Variants in NAV1 observed in about 807,000 individuals in gnomAD.
NAV1 encodes neuron navigator 1.
In NAV1, 18 loss-of-function variants were observed where a neutral mutation model predicts 175.2. The observed-to-expected ratio is 0.10, with a 90% CI of 0.07 to 0.15. NAV1 has a LOEUF of 0.15. NAV1 is among the 10% of genes least tolerant of loss of function. NAV1 has a pLI of 1.00. For synonymous variants in NAV1, 897 were observed against 978.7 expected (o/e 0.92, Z 1.56); for missense variants, 1,731 against 2,436.6 (o/e 0.71, Z 6.10).
chr1:201,622,911 C>T (rs638183), upstream of NAV1: 1,780 of 986,252 alleles, frequency 1.8e-3, 29 homozygotes, highest in African/African-American at 0.026. Flanking sequence ...ATGTGAATCC[C>T]GCCAGCCGCC....
intron 1 of NAV1, among the ~76,000 whole-genome samples, chr1:201,702,336 A>C (rs186135437): frequency 6.6e-6 from 1 of 152,318 alleles, no homozygotes; most frequent in Non-Finnish European, 1.5e-5. Context: ...AAATATACTA[A>C]AAACAATTGA....
intron 1 of NAV1, among the ~76,000 whole-genome samples, chr1:201,558,054 G>A (rs951064838): frequency 1.3e-5 from 2 of 152,232 alleles, no homozygotes; most frequent in African/African-American, 4.8e-5. Flanking sequence ...CTAGCTGTGC[G>A]ACTTCGTGCA....
chr1:201,762,598 T>C (rs950191915), intron 3 of NAV1, among the ~76,000 whole-genome samples: 2 of 152,258 alleles, frequency 1.3e-5, no homozygotes, highest in Admixed American at 6.5e-5. Context: ...TATCTATGGC[T>C]GCTTTTGTGC....
chr1:201,564,385 CG>C (rs1666295112), intron 1 of NAV1, among the ~76,000 whole-genome samples: 1 of 152,122 alleles, frequency 6.6e-6, no homozygotes, highest in South Asian at 2.1e-4. Context: ...GAGGCCGAGG[CG>C]GGCAGATCAC....
intron 2 of NAV1, among the ~76,000 whole-genome samples, chr1:201,611,055 GCCCCA>G (rs1163158138): frequency 1.3e-5 from 2 of 152,118 alleles, no homozygotes; most frequent in African/African-American, 4.8e-5. Context: ...GGGATACTGA[GCCCCA>G]CCCCCTCTGC....
intron 2 of NAV1, among the ~76,000 whole-genome samples, chr1:201,713,930 A>T (rs1054559340): frequency 2.6e-5 from 4 of 152,040 alleles, no homozygotes; most frequent in Non-Finnish European, 5.9e-5. Flanking sequence ...ATGACAAAGA[A>T]CTCATTACCT....
rs910647597 is a variant in NAV1, at chr1:201,704,807, A to T, written c.758-8010A>T. 2.0e-5 allele frequency among the ~76,000 whole-genome samples: 3 copies of T among 152,162 alleles called. No individual in the cohort carries two copies. In the South Asian group the frequency reaches 6.2e-4, roughly 32 times the overall value. On this transcript the variant is annotated intron_variant, in intron 1 of 29. Coordinates refer to ENST00000367296, the Ensembl canonical transcript of NAV1. ...ATACTCTGAGAGAAAAGATGCTTTT[A>T]TGGGCTTCAGCCAAGTACAAAACCA...
intron 15 of NAV1, among the ~76,000 whole-genome samples, chr1:201,798,895 G>C (rs541045136): frequency 2.0e-5 from 3 of 151,564 alleles, no homozygotes; most frequent in Non-Finnish European, 4.4e-5. Flanking sequence ...TAGAGATGGG[G>C]TCTCACCATG....
chr1:201,697,578 G>A (rs140810837), intron 1 of NAV1, among the ~76,000 whole-genome samples: 178 of 152,280 alleles, frequency 1.2e-3, no homozygotes, highest in African/African-American at 4.0e-3. Flanking sequence ...ATTCCAGTGC[G>A]CCTCAGTCTC....
chr1:201,809,124 G>C (rs1411710294), intron 20 of NAV1, 40 bp from the exon 25 acceptor site: 1 of 1,581,872 alleles, frequency 6.3e-7, no homozygotes, highest in Non-Finnish European at 8.7e-7. Context: ...AAAGGCTGCG[G>C]GTACTCCTAA....
At chr1:201,683,272 C>T (rs1199258838) in intron 1 of NAV1, among the ~76,000 whole-genome samples, 1 of 152,116 alleles carries the variant, frequency 6.6e-6, no homozygotes, top group Non-Finnish European at 1.5e-5. Flanking sequence ...GGATGAAGAC[C>T]ACAGAAGTAA....
intron 2 of NAV1, among the ~76,000 whole-genome samples, chr1:201,596,064 C>T (rs529449902): frequency 3.9e-5 from 6 of 152,204 alleles, no homozygotes; most frequent in East Asian, 1.9e-4. Context: ...TTAAGGCAAG[C>T]GCCTTAACCT....
intron 3 of NAV1, among the ~76,000 whole-genome samples, chr1:201,734,127 G>C (rs1454481920): frequency 1.3e-5 from 2 of 152,088 alleles, no homozygotes; most frequent in East Asian, 3.9e-4. Context: ...GATAACATTG[G>C]CCAGGTGTGA....
exon 7 of NAV1, chr1:201,783,662 A>G: frequency 6.2e-7 from 1 of 1,614,048 alleles, no homozygotes; most frequent in Middle Eastern, 1.6e-4. Context: ...GCCAAAAGAG[A>G]CCCGCATGTA....
chr1:201,581,923 C>G (rs111407137), intron 1 of NAV1, among the ~76,000 whole-genome samples: 2 of 152,000 alleles, frequency 1.3e-5, no homozygotes, highest in African/African-American at 4.8e-5. Flanking sequence ...GGTGAAACCC[C>G]GTCTCTACTA....
chr1:201,803,526 A>G (rs558200421), intron 15 of NAV1, 67 bp from the exon 20 acceptor site: 1 of 1,542,542 alleles, frequency 6.5e-7, no homozygotes, highest in African/African-American at 1.4e-5. Context: ...CTGCCACTAG[A>G]CTTGCCTGAA....
chr1:201,664,758 T>C (rs1193654714), intron 1 of NAV1, among the ~76,000 whole-genome samples: 1 of 152,156 alleles, frequency 6.6e-6, no homozygotes, highest in East Asian at 1.9e-4. Flanking sequence ...CCCCAGCCTG[T>C]TCTTCCTGAG....
chr1:201,813,018 C>G lies in NAV1; in HGVS notation c.5222-122C>G. 1 of 723,046 alleles carries G rather than the reference C, an allele frequency of 1.4e-6. No homozygotes were observed. Among genetic ancestry groups the G allele is most frequent in the South Asian group, 1.8e-5 (1 of 56,074 alleles). 44.8% of individuals were successfully genotyped at this position (723,046 alleles called of 1,614,324 possible). On this transcript the variant is annotated intron_variant, in intron 27 of 29. Transcript: ENST00000367296. This position sits in a 1 kb window ranked among gnomAD's most constrained non-coding sequence, Gnocchi z 4.2. ...TCAGCACCCACTAGTCTTGACAACT[C>G]TAAATTTCCTTTAATCCTTTGACTG... is the stretch of plus-strand genomic sequence containing the variant.
At chr1:201,542,934 A>G (rs1210014548) in intron 1 of NAV1, among the ~76,000 whole-genome samples, 1 of 152,144 alleles carries the variant, frequency 6.6e-6, no homozygotes, top group Non-Finnish European at 1.5e-5. Flanking sequence ...CTTGTGTATT[A>G]CTGGTGTGTA....
Sources: gnomAD v4.1 joint callset for allele counts (sites outside exome capture counted in the v4.1 genomes callset) on GRCh38, gnomAD v4.1.1 for gene constraint, Gnocchi (gnomAD v3.1) non-coding constraint, MANE v1.5 for transcripts, NCBI Gene and HGNC (gene_info 2026-07-23, HGNC 2026-07-21) for gene names.